Variants in CPEB3 observed in about 807,000 individuals in gnomAD.
CPEB3 encodes the protein cytoplasmic polyadenylation element binding protein 3, also known as cytoplasmic polyadenylation element-binding protein 3.
Under a neutral mutation model 67.2 loss-of-function variants are expected in CPEB3, and 20 were observed. The ratio of observed to expected loss-of-function variants is 0.30; its 90% CI spans 0.21 to 0.43. The LOEUF is 0.43. Ranked by LOEUF, CPEB3 falls within the 20% of genes least tolerant of loss-of-function variation. CPEB3 has a pLI of 1.00. For synonymous variants in CPEB3, 376 were observed against 393.1 expected, an observed-to-expected ratio of 0.96 and a Z score of 0.51; for missense variants, 746 against 968.6, an observed-to-expected ratio of 0.77 and a Z score of 3.05.
rs1227336465 is a variant in CPEB3, at chr10:92,050,419, A to T, written c.*1793T>A. The T allele has an allele frequency of 6.6e-6, 1 of 152,652 alleles. No individual in the cohort carries two copies. Among genetic ancestry groups the T allele is most frequent in the Non-Finnish European group, 1.5e-5 (1 of 68,054 alleles). 9.5% of individuals were successfully genotyped at this position (152,652 alleles called of 1,614,324 possible). A position where few individuals can be genotyped will look rare whatever the true frequency, so the allele number is the denominator to read the frequency against. ...ACAGCACAGAAAACACAGCGACTTA[A>T]ATCTATTCTGCAGTGTCATATCCAG... On this transcript the variant is annotated 3_prime_UTR_variant, in exon 10 of 10. Transcript: ENST00000265997.
At chr10:92,227,400 A>G (rs943998970) in intron 2 of CPEB3, among the ~76,000 whole-genome samples, 2 of 152,230 alleles carry the variant, frequency 1.3e-5, no homozygotes, top group African/African-American at 4.8e-5. Flanking sequence ...CAAAAGCTGG[A>G]GCACATGGAT....
rs1841862060 is a variant in CPEB3, at chr10:92,050,451, T to C, written c.*1761A>G. The stretch of plus-strand genomic sequence containing the variant: ...TCTGCAGTGTCATATCCAGTCAGAT[T>C]GTCCCCAGAATTCCAAAACATAGGA... On this transcript the variant is annotated 3_prime_UTR_variant, in exon 10 of 10. Coordinates refer to ENST00000265997, the MANE Select transcript of CPEB3 (RefSeq NM_014912.5). 6.6e-6 allele frequency: 1 copy of C among 152,664 alleles called. No individual in the cohort carries two copies. Among genetic ancestry groups the C allele is most frequent in the African/African-American group, 2.4e-5 (1 of 41,442 alleles). The allele number at this position is 152,664 out of a possible 1,614,324, so 9.5% of individuals were successfully genotyped here.
intron 2 of CPEB3, 77 bp from the exon 3 acceptor site, chr10:92,192,713 G>A (rs1849040022): frequency 9.2e-7 from 1 of 1,092,090 alleles, no homozygotes; most frequent in Middle Eastern, 2.7e-4. Flanking sequence ...GCTTCCTGCT[G>A]TGGATTGATG....
chr10:92,263,230 C>G (rs1852890060), intron 1 of CPEB3, among the ~76,000 whole-genome samples: 1 of 152,196 alleles, frequency 6.6e-6, no homozygotes, highest in Non-Finnish European at 1.5e-5. Flanking sequence ...CATGCACCAC[C>G]ACACCTGGCA....
chr10:92,245,500 T>A (rs546609530), intron 1 of CPEB3, among the ~76,000 whole-genome samples: 1 of 152,322 alleles, frequency 6.6e-6, no homozygotes, highest in Non-Finnish European at 1.5e-5. Flanking sequence ...TCAGTTTGAA[T>A]GAATCCACCA....
chr10:92,122,749 A>T (rs1370886686), intron 6 of CPEB3, among the ~76,000 whole-genome samples: 1 of 152,224 alleles, frequency 6.6e-6, no homozygotes, highest in Non-Finnish European at 1.5e-5. Flanking sequence ...TAGAGAAATC[A>T]GGAAAGGCTT....
intron 1 of CPEB3, among the ~76,000 whole-genome samples, chr10:92,278,337 C>G (rs999886764): frequency 1.3e-5 from 2 of 152,096 alleles, no homozygotes; most frequent in African/African-American, 4.8e-5. Flanking sequence ...GTACTGCCAT[C>G]TTAAAAATGT....
chr10:92,278,597 G>C lies in CPEB3; in HGVS notation c.-12+12329C>G, dbSNP rs148264517. The stretch of plus-strand genomic sequence containing the variant: ...TACAACTTTGCTGAACTCATTGACT[G>C]GTTCTTTTTTTTTTTTTTTTTTGAG... On this transcript the variant is annotated intron_variant, in intron 1 of 9. Coordinates refer to ENST00000265997, the MANE Select transcript of CPEB3 (RefSeq NM_014912.5). Among the ~76,000 whole-genome samples, 1,373 of 147,442 alleles carry C rather than the reference G, an allele frequency of 9.3e-3. 23 individuals carry two copies. Among genetic ancestry groups the C allele is most frequent in the African/African-American group, 0.033 (1,285 of 38,794 alleles).
At chr10:92,057,593 C>A (rs557147910) in intron 9 of CPEB3, among the ~76,000 whole-genome samples, 2 of 152,220 alleles carry the variant, frequency 1.3e-5, no homozygotes, top group African/African-American at 2.4e-5. Flanking sequence ...GCCCCAGGGC[C>A]CTGAGCGAAC....
At chr10:92,181,654 C>T (rs749843164) in intron 3 of CPEB3, among the ~76,000 whole-genome samples, 3 of 152,304 alleles carry the variant, frequency 2.0e-5, no homozygotes, top group African/African-American at 4.8e-5. Context: ...GAGTTGCAAA[C>T]GTCTGCTGAC....
intron 2 of CPEB3, among the ~76,000 whole-genome samples, chr10:92,218,802 C>T (rs985562792): frequency 2.0e-5 from 3 of 152,072 alleles, no homozygotes; most frequent in Admixed American, 6.6e-5. Context: ...AGTTCCACTT[C>T]CCCACCTTTT....
At chr10:92,143,201 T>C (rs1846522316) in intron 5 of CPEB3, 83 bp from the exon 6 acceptor site, 2 of 1,051,182 alleles carry the variant, frequency 1.9e-6, no homozygotes. Flanking sequence ...CATGTCTTTT[T>C]AGTTTAAAAA....
At chr10:92,082,423 C>T (rs1444304125) in intron 8 of CPEB3, among the ~76,000 whole-genome samples, 1 of 152,098 alleles carries the variant, frequency 6.6e-6, no homozygotes, top group South Asian at 2.1e-4. Context: ...GGATTACAGG[C>T]ATGCACCACC....
intron 1 of CPEB3, among the ~76,000 whole-genome samples, chr10:92,268,330 T>C (rs1257512875): frequency 6.6e-6 from 1 of 152,152 alleles, no homozygotes; most frequent in African/African-American, 2.4e-5. Flanking sequence ...AAAAGTATAC[T>C]TAAAATGTTC....
intron 7 of CPEB3, among the ~76,000 whole-genome samples, chr10:92,099,221 G>A (rs551764214): frequency 5.3e-4 from 53 of 99,378 alleles, no homozygotes; most frequent in East Asian, 7.4e-4. Flanking sequence ...GGGTCTTTTC[G>A]TCTTTTTTTT....
chr10:92,272,251 T>G (rs562672621), intron 1 of CPEB3: 1 of 152,216 alleles, frequency 6.6e-6, no homozygotes, highest in East Asian at 1.9e-4. Context: ...TTGGACAGAC[T>G]CTCATCATTT....
intron 9 of CPEB3, among the ~76,000 whole-genome samples, chr10:92,054,515 C>G (rs1373436089): frequency 6.6e-6 from 1 of 151,990 alleles, no homozygotes; most frequent in Admixed American, 6.6e-5. Flanking sequence ...CCTCCACCTC[C>G]CACAACCTCC....
intron 1 of CPEB3, among the ~76,000 whole-genome samples, chr10:92,285,947 C>CTTT (rs11380868): frequency 9.8e-5 from 14 of 142,704 alleles, no homozygotes; most frequent in African/African-American, 3.1e-4. Flanking sequence ...TTGCTTTTTT[C>CTTT]TTTTTTTTTT....
At chr10:92,241,722 T>C (rs1434520795) in intron 1 of CPEB3, among the ~76,000 whole-genome samples, 1 of 152,200 alleles carries the variant, frequency 6.6e-6, no homozygotes, top group Non-Finnish European at 1.5e-5. Flanking sequence ...ACCCGGAGAC[T>C]GCCATACATG....
Sources: allele counts gnomAD v4.1 joint callset (sites outside exome capture counted in the v4.1 genomes callset), GRCh38; gene constraint gnomAD v4.1.1; transcripts MANE v1.5; gene names NCBI Gene and HGNC (gene_info 2026-07-23, HGNC 2026-07-21).